TIE1: variants seen among roughly 807,000 people sequenced by gnomAD.
TIE1 encodes tyrosine-protein kinase receptor Tie-1.
TIE1 carries 89 observed loss-of-function variants against 130.5 expected under a neutral mutation model. The ratio of observed to expected loss-of-function variants is 0.68; its 90% CI spans 0.57 to 0.81. TIE1 has a LOEUF of 0.81. Ranked by LOEUF, TIE1 falls within the 40% of genes least tolerant of loss-of-function variation. The pLI, the probability that TIE1 is intolerant of heterozygous loss-of-function variation, is 0.00. For missense variants in TIE1, 1,392 were observed against 1,559.8 expected, an observed-to-expected ratio of 0.89 and a Z score of 1.81; for synonymous variants, 568 against 629.4, an observed-to-expected ratio of 0.90 and a Z score of 1.46.
chr1:43,314,665 T>C (rs1299590193), intron 14 of TIE1: 8 of 564,002 alleles, frequency 1.4e-5, no homozygotes, highest in Non-Finnish European at 1.3e-5. Flanking sequence ...TTGTCTCTAC[T>C]AAAAATACAA....
chr1:43,313,890 G>C lies in TIE1; in HGVS notation c.2331G>C (p.Leu777=). 6.2e-7 allele frequency: 1 copy of C among 1,614,038 alleles called. No individual in the cohort carries two copies. The highest frequency in any genetic ancestry group is 8.5e-7 in the Non-Finnish European group (1 of 1,179,984). ...GSVSATCLTI[L]AALLTLVCIR... ...TGTCTGCCACCTGCCTCACCATCCT[G>C]GCTGCCCTTTTAACCCTGGTGTGCA... Residue 777 remains leucine (L), a synonymous_variant, in exon 14 of 23, where the codon CTG becomes CTC. Transcript: ENST00000372476. The surrounding 1 kb of genome is among the most constrained non-coding windows in gnomAD (Gnocchi z 6.2).
rs566987983 is a variant in TIE1, at chr1:43,308,038, C to T, written c.1042+114C>T. 358 of 1,460,348 alleles carry T rather than the reference C, an allele frequency of 2.5e-4. 4 individuals are homozygous for T. In the South Asian group the frequency reaches 4.1e-3, roughly 17 times the overall value. 90.5% of individuals were successfully genotyped at this position (1,460,348 alleles called of 1,614,324 possible). A position where few individuals can be genotyped will look rare whatever the true frequency, so the allele number is the denominator to read the frequency against. ...TTCCCTACGAGGGTCCAAGTCCTGCCCTCAGGGAGCTTAGAGTCTGATGGA... is the reference window on the plus strand; with the variant it reads ...TTCCCTACGAGGGTCCAAGTCCTGCTCTCAGGGAGCTTAGAGTCTGATGGA... On this transcript the variant is annotated intron_variant, in intron 7 of 22. Transcript: ENST00000372476.
chr1:43,313,127 C>A lies in TIE1; in HGVS notation c.1928-8C>A. ...TCTGAGCCTTGCCTTCCCCCACCAT[C>A]TCCCCAGGGCCTCCAGCCCCCCGAC... is the stretch of plus-strand genomic sequence containing the variant. On this transcript the variant is annotated splice_region_variant and splice_polypyrimidine_tract_variant and intron_variant, in intron 12 of 22. Coordinates refer to ENST00000372476, the MANE Select transcript of TIE1 (RefSeq NM_005424.5). The surrounding 1 kb of genome is among the most constrained non-coding windows in gnomAD (Gnocchi z 6.2). 2 of 1,594,014 alleles carry A rather than the reference C, an allele frequency of 1.3e-6. No individual in the cohort carries two copies. The highest frequency in any genetic ancestry group is 1.7e-6 in the Non-Finnish European group (2 of 1,170,850).
Position 43,309,657 on chromosome 1 carries a change from C to T in TIE1, c.1333+125C>T. 7.6e-7 allele frequency: 1 copy of T among 1,316,428 alleles called. No homozygotes were observed. The allele number at this position is 1,316,428 out of a possible 1,614,324, so 81.5% of individuals were successfully genotyped here. A position where few individuals can be genotyped will look rare whatever the true frequency, so the allele number is the denominator to read the frequency against. ...TCTAAGGTCATAGCCTAGCACCAGA[C>T]AAAAAGCGGGGTTGTGGTCAACCAG... On this transcript the variant is annotated intron_variant, in intron 9 of 22. Transcript: ENST00000372476. This position sits in a 1 kb window ranked among gnomAD's most constrained non-coding sequence, Gnocchi z 6.3.
rs1277460329 is a variant in TIE1, at chr1:43,311,764, C to G, written c.1427C>G (p.Pro476Arg). ...SPLVSFSGDG[P>R]ISTVRLHYRP... is the part of the protein sequence containing the mutation. ...CTGGTCTCGTTCTCTGGGGATGGAC[C>G]CATCTCCACTGTCCGCCTGCACTAC... The change falls in exon 10 of 23, where the codon CCC becomes CGC. Residue 476 changes from proline (P) to arginine (R), a missense_variant. Coordinates refer to ENST00000372476, the MANE Select transcript of TIE1 (RefSeq NM_005424.5). The G allele has an allele frequency of 6.2e-7, 1 of 1,613,976 alleles. No individual in the cohort carries two copies. Among genetic ancestry groups the G allele is most frequent in the African/African-American group, 1.3e-5 (1 of 74,910 alleles).
Position 43,312,416 on chromosome 1 carries a change from T to G in TIE1, c.1742T>G (p.Leu581Arg). 1 of 1,610,322 alleles carries G rather than the reference T, an allele frequency of 6.2e-7. No homozygotes were observed. Among genetic ancestry groups the G allele is most frequent in the Non-Finnish European group, 8.5e-7 (1 of 1,178,786 alleles). The change falls in exon 12 of 23, where the codon CTG becomes CGG. Residue 581 changes from leucine (L) to arginine (R), a missense_variant. Coordinates refer to ENST00000372476, the MANE Select transcript of TIE1 (RefSeq NM_005424.5). This position sits in a 1 kb window ranked among gnomAD's most constrained non-coding sequence, Gnocchi z 5.6. ...VPGPLVGDGFLLRLWDGTRGQ... is the reference protein window; with the variant it reads ...VPGPLVGDGFRLRLWDGTRGQ... ...GGGCCACTGGTGGGCGACGGTTTCC[T>G]GCTGCGCCTGTGGGACGGGACACGG...
chr1:43,319,558 G>A lies in TIE1; in HGVS notation c.3107+29G>A, dbSNP rs1646893433. 2 of 1,610,696 alleles carry A rather than the reference G, an allele frequency of 1.2e-6. No homozygotes were observed. Among genetic ancestry groups the A allele is most frequent in the Admixed American group, 1.7e-5 (1 of 59,988 alleles). ...AGTGTGAGATGAGAGGGCACAGGAG[G>A]GCTTGGCCCCCAAGAATCACCCAGG... On this transcript the variant is annotated intron_variant, in intron 19 of 22. Transcript: ENST00000372476. This position sits in a 1 kb window ranked among gnomAD's most constrained non-coding sequence, Gnocchi z 4.7.
intron 9 of TIE1, among the ~76,000 whole-genome samples, chr1:43,311,063 T>A (rs1646785396): frequency 6.6e-6 from 1 of 151,984 alleles, no homozygotes; most frequent in Non-Finnish European, 1.5e-5. Flanking sequence ...AAGAAGGCTG[T>A]TTTGGAGTAG....
rs775368752 is a variant in TIE1, at chr1:43,317,072, G to T, written c.2410-127G>T. The T allele has an allele frequency of 8.9e-6, 8 of 902,672 alleles. No homozygotes were observed. Among genetic ancestry groups the T allele is most frequent in the African/African-American group, 4.9e-5 (3 of 61,246 alleles). 55.9% of individuals were successfully genotyped at this position (902,672 alleles called of 1,614,324 possible). A position where few individuals can be genotyped will look rare whatever the true frequency, so the allele number is the denominator to read the frequency against. On this transcript the variant is annotated intron_variant, in intron 14 of 22. Transcript: ENST00000372476. The surrounding 1 kb of genome is among the most constrained non-coding windows in gnomAD (Gnocchi z 5.1). ...TGTCTGTCCCTGGCTGACCACCAGG[G>T]TGCCCTCCATCTGGGTCTCTGCCCA...
In TIE1 at chr1:43,301,189, A is replaced by G. The variant is rs1646666432; in HGVS notation, c.58+60A>G. The stretch of plus-strand genomic sequence containing the variant: ...GGCCCCGAGGCCCTGATTTCTACCC[A>G]AGAAACCCTATTTTATCATAGAGAC... On this transcript the variant is annotated intron_variant, in intron 1 of 22. Transcript: ENST00000372476. 21 of 1,563,924 alleles carry G rather than the reference A, an allele frequency of 1.3e-5. No individual in the cohort carries two copies. In the South Asian group the frequency reaches 2.2e-4, roughly 17 times the overall value.
At position 43,313,968 on chromosome 1, in the gene TIE1, G is replaced by C. The variant is rs779140839; in HGVS notation, c.2409G>C (p.Ser803=). The change falls in exon 14 of 23, where the codon TCG becomes TCC. Residue 803 remains serine, a splice_region_variant and synonymous_variant. Transcript: ENST00000372476. This position sits in a 1 kb window ranked among gnomAD's most constrained non-coding sequence, Gnocchi z 6.2. The part of the protein sequence containing the change: ...RRRTFTYQSG[S]GEETILQFSS... Reference sequence around the variant, plus strand: ...GCACCTTCACCTACCAGTCAGGCTCGGTCAGTGACCCGCCCCGCCCCTGGG... The same window carrying C: ...GCACCTTCACCTACCAGTCAGGCTCCGTCAGTGACCCGCCCCGCCCCTGGG... The C allele has an allele frequency of 1.9e-6, 3 of 1,613,966 alleles. No individual in the cohort carries two copies. The highest frequency in any genetic ancestry group is 2.5e-6 in the Non-Finnish European group (3 of 1,179,988).
chr1:43,308,911 C>T (rs1245471493), intron 7 of TIE1, 75 bp from the exon 8 acceptor site: 7 of 1,603,304 alleles, frequency 4.4e-6, no homozygotes, highest in Non-Finnish European at 6.0e-6. Flanking sequence ...AGAAACAGAA[C>T]ACGGATGAGG....
In TIE1 at chr1:43,309,443, G is replaced by A. The variant is rs148779141; in HGVS notation, c.1244G>A (p.Arg415His). ...ACCACAGCTGAGTTCGAGGTGCCCC[G>A]CTTGGTTCTTGCGGACAGTGGGTTC... The part of the protein sequence containing the change: ...EKTTAEFEVP[R>H]LVLADSGFWE... Residue 415 changes from arginine (R) to histidine (H), a missense_variant, in exon 9 of 23, where the codon CGC becomes CAC. Transcript: ENST00000372476. This position sits in a 1 kb window ranked among gnomAD's most constrained non-coding sequence, Gnocchi z 6.3. 708 of 1,611,892 alleles carry A rather than the reference G, an allele frequency of 4.4e-4. 3 individuals are homozygous for A. Among genetic ancestry groups the A allele is most frequent in the Middle Eastern group, 2.8e-3 (17 of 6,040 alleles).
chr1:43,308,939 G>T (rs758668841), intron 7 of TIE1, 47 bp from the exon 8 acceptor site: 1 of 1,613,638 alleles, frequency 6.2e-7, no homozygotes, highest in Non-Finnish European at 8.5e-7. Flanking sequence ...TGGTGGTCAC[G>T]TGTCTGCCCC....
rs537084588 is a variant in TIE1, at chr1:43,318,871, A to C, written c.2923-364A>C. Among the ~76,000 whole-genome samples, 3 of 151,988 alleles carry C rather than the reference A, an allele frequency of 2.0e-5. No homozygotes were observed. The highest frequency in any genetic ancestry group is 4.4e-5 in the Non-Finnish European group (3 of 68,006). On this transcript the variant is annotated intron_variant, in intron 17 of 22. Transcript: ENST00000372476. This position sits in a 1 kb window ranked among gnomAD's most constrained non-coding sequence, Gnocchi z 4.4. ...GAGGGGCAGGGGAAGGGGCCAGTGC[A>C]GAGGGAGGGGCTGGTGGAGAGAGGT... is the stretch of plus-strand genomic sequence containing the variant.
Position 43,322,547 on chromosome 1 carries a change from C to A in TIE1, c.3346-104C>A. ...ATGGGGCCATCTTAGGTCTCCAGAA[C>A]AAATCAGTGTCAGTTCAAATGCCCC... On this transcript the variant is annotated intron_variant, in intron 22 of 22. Coordinates refer to ENST00000372476, the MANE Select transcript of TIE1 (RefSeq NM_005424.5). This position sits in a 1 kb window ranked among gnomAD's most constrained non-coding sequence, Gnocchi z 4.0. The A allele has an allele frequency of 1.2e-6, 1 of 856,298 alleles. No individual in the cohort carries two copies. The allele number at this position is 856,298 out of a possible 1,614,324, so 53.0% of individuals were successfully genotyped here. A position where few individuals can be genotyped will look rare whatever the true frequency, so the allele number is the denominator to read the frequency against.
rs185122178 is a variant in TIE1, at chr1:43,321,326, C to T, written c.3148+17C>T. 1,254 of 1,614,086 alleles carry T rather than the reference C, an allele frequency of 7.8e-4. 1 individual carries two copies. The highest frequency in any genetic ancestry group is 8.7e-4 in the Non-Finnish European group (1,023 of 1,179,984). ...TGAGCCTTGGTGAGTTCCTGATCCC[C>T]GTCCCCCAGAGTGCCCCACCTTACC... On this transcript the variant is annotated intron_variant, in intron 20 of 22. Coordinates refer to ENST00000372476, the MANE Select transcript of TIE1 (RefSeq NM_005424.5).
Position 43,305,126 on chromosome 1 carries a change from C to T in TIE1, c.334C>T (p.Arg112Trp), listed in dbSNP as rs759222423. The T allele has an allele frequency of 2.2e-5, 35 of 1,613,620 alleles. No individual in the cohort carries two copies. The highest frequency in any genetic ancestry group is 2.9e-5 in the Non-Finnish European group (34 of 1,179,812). The change falls in exon 2 of 23, where the codon CGG becomes TGG. Residue 112 changes from arginine to tryptophan, a missense_variant. Arg to Trp is a moderately radical substitution (Grantham distance 101, BLOSUM62 -3). This residue lies in a region of TIE1 where 415 missense variants were observed against 424.8 expected (regional missense o/e 0.98). Coordinates refer to ENST00000372476, the MANE Select transcript of TIE1 (RefSeq NM_005424.5). ...CTCCTGCGTGGGCGGTGCTGGGGCG[C>T]GGCGCACGCGCGTCATCTACGTGCA... ...VFSCVGGAGA[R>W]RTRVIYVHNS...
At position 43,317,782 on chromosome 1, in the gene TIE1, C is replaced by A; in HGVS notation, c.2732-100C>A. On this transcript the variant is annotated intron_variant, in intron 16 of 22. Transcript: ENST00000372476. The surrounding 1 kb of genome is among the most constrained non-coding windows in gnomAD (Gnocchi z 5.1). ...GGGCTGCTGGTGACCTGTGCACCAC[C>A]CTTGATCCTCCTTCATCCCTGTCTG... The A allele has an allele frequency of 6.7e-7, 1 of 1,496,286 alleles. No individual in the cohort carries two copies. The highest frequency in any genetic ancestry group is 9.2e-7 in the Non-Finnish European group (1 of 1,086,164). 92.7% of individuals were successfully genotyped at this position (1,496,286 alleles called of 1,614,324 possible).
Sources: allele counts gnomAD v4.1 joint callset (sites outside exome capture counted in the v4.1 genomes callset), GRCh38; gene constraint gnomAD v4.1.1; regional missense constraint gnomAD v4.1.1; non-coding constraint Gnocchi (gnomAD v3.1); transcripts MANE v1.5; gene names NCBI Gene and HGNC (gene_info 2026-07-23, HGNC 2026-07-21).